IGFBP7: variants seen among roughly 807,000 people sequenced by gnomAD.
The protein encoded by IGFBP7 is insulin-like growth factor-binding protein 7.
Under a neutral mutation model 29.4 loss-of-function variants are expected in IGFBP7, and 31 were observed. The observed-to-expected ratio is 1.05, with a 90% CI of 0.79 to 1.42. The LOEUF is 1.42. IGFBP7 is among the 40% of genes most tolerant of loss of function. IGFBP7 has a pLI of 0.00. For missense variants in IGFBP7, 393 were observed against 395.5 expected, an observed-to-expected ratio of 0.99 and a Z score of 0.05; for synonymous variants, 172 against 174.9, an observed-to-expected ratio of 0.98 and a Z score of 0.13.
At chr4:57,080,476 C>T (rs140942298) in intron 1 of IGFBP7, among the ~76,000 whole-genome samples, 1 of 152,138 alleles carries the variant, frequency 6.6e-6, no homozygotes, top group Non-Finnish European at 1.5e-5. Context: ...GTATCAGAAC[C>T]TTTCTTCCAA....
At chr4:57,105,134 C>A (rs1399544346) in intron 1 of IGFBP7, among the ~76,000 whole-genome samples, 1 of 152,134 alleles carries the variant, frequency 6.6e-6, no homozygotes, top group Non-Finnish European at 1.5e-5. Context: ...CACTCAGGGC[C>A]CAAGGCCTTG....
At chr4:57,063,159 T>A (rs1034897577) in intron 1 of IGFBP7, among the ~76,000 whole-genome samples, 2 of 152,046 alleles carry the variant, frequency 1.3e-5, no homozygotes, top group Admixed American at 1.3e-4. Context: ...CTTTGCTTGG[T>A]TAACTCCTAG....
At chr4:57,080,906 C>T (rs1725349861) in intron 1 of IGFBP7, among the ~76,000 whole-genome samples, 1 of 152,184 alleles carries the variant, frequency 6.6e-6, no homozygotes, top group Admixed American at 6.5e-5. Context: ...CTTTCCTTTC[C>T]ACTGCCAAGG....
At chr4:57,047,981 G>C (rs983320671) in intron 1 of IGFBP7, among the ~76,000 whole-genome samples, 2 of 152,144 alleles carry the variant, frequency 1.3e-5, no homozygotes, top group Non-Finnish European at 2.9e-5. Context: ...CAACCTGCCT[G>C]CCTCGGCCTC....
intron 1 of IGFBP7, among the ~76,000 whole-genome samples, chr4:57,090,911 T>C (rs73242643): frequency 0.089 from 13,581 of 152,240 alleles, 654 homozygotes; most frequent in South Asian, 0.13. Context: ...TCTAGTTTAG[T>C]TAACATTTTT....
rs569453248 is a variant in IGFBP7, at chr4:57,055,626, G to C, written c.476-14693C>G. Among the ~76,000 whole-genome samples the C allele has an allele frequency of 4.8e-5, 6 of 125,800 alleles. No homozygotes were observed. In the East Asian group the frequency reaches 1.6e-3, roughly 33 times the overall value. 82.5% of individuals were successfully genotyped at this position (125,800 alleles called of 152,430 possible). On this transcript the variant is annotated intron_variant, in intron 1 of 4. Transcript: ENST00000295666. ...GCACCGCCACCACTTCAATCACGCG[G>C]GGGTGGACAGGGTCATCGCGGTTCT...
At chr4:57,053,539 T>C (rs13143577) in intron 1 of IGFBP7, among the ~76,000 whole-genome samples, 35,680 of 151,786 alleles carry the variant, frequency 0.24, 4,422 homozygotes, top group East Asian at 0.33. Context: ...GTGAGCTCGC[T>C]CTGGTAACCA....
At chr4:57,032,615 G>C in intron 3 of IGFBP7, 63 bp from the exon 4 acceptor site, 2 of 1,285,044 alleles carry the variant, frequency 1.6e-6, no homozygotes, top group Non-Finnish European at 2.3e-6. Context: ...AGTGGTTCCA[G>C]TGAGGTCATT....
intron 1 of IGFBP7, among the ~76,000 whole-genome samples, chr4:57,092,889 T>A (rs971459697): frequency 6.6e-6 from 1 of 151,712 alleles, no homozygotes; most frequent in South Asian, 2.1e-4. Flanking sequence ...AAATATTAGT[T>A]ATAAATTTAA....
At chr4:57,048,726 T>C (rs1403675839) in intron 1 of IGFBP7, among the ~76,000 whole-genome samples, 1 of 152,192 alleles carries the variant, frequency 6.6e-6, no homozygotes, top group African/African-American at 2.4e-5. Flanking sequence ...AACAATTTCC[T>C]AGTCCCTTAC....
chr4:57,108,395 G>C (rs1035445292), intron 1 of IGFBP7, among the ~76,000 whole-genome samples: 5 of 152,148 alleles, frequency 3.3e-5, no homozygotes, highest in African/African-American at 1.2e-4. Context: ...TTTCTACCTT[G>C]GCTAAGATCA....
intron 1 of IGFBP7, among the ~76,000 whole-genome samples, chr4:57,050,600 GGT>G (rs1480158009): frequency 4.6e-5 from 7 of 151,950 alleles, no homozygotes; most frequent in Admixed American, 4.6e-4. Flanking sequence ...GGAGTGCAAT[GGT>G]GCTACGATCA....
rs1486505634 is a variant in IGFBP7, at chr4:57,030,949, T to C, written c.*368A>G. 1.2e-6 allele frequency: 2 copies of C among 1,608,464 alleles called. No individual in the cohort carries two copies. The highest frequency in any genetic ancestry group is 8.5e-7 in the Non-Finnish European group (1 of 1,174,820). The stretch of plus-strand genomic sequence containing the variant: ...CATGCAAACTATTGTTTCAGGAACT[T>C]ATGTCTATGAGTATTGCACCGCGAA... On this transcript the variant is annotated 3_prime_UTR_variant, in exon 5 of 5. Transcript: ENST00000295666.
chr4:57,100,151 G>T (rs747871287), intron 1 of IGFBP7, among the ~76,000 whole-genome samples: 1 of 144,666 alleles, frequency 6.9e-6, no homozygotes, highest in Non-Finnish European at 1.5e-5. Context: ...GCCTCCTGCA[G>T]CCTTGATGAC....
In IGFBP7 at chr4:57,110,014, C is replaced by T; in HGVS notation, c.338G>A (p.Cys113Tyr). ...GGPGVSGVCV[C>Y]KSRYPVCGSD... is the part of the protein sequence containing the mutation. ...GCCGCACACCGGGTAGCGGCTCTTGCACACGCACACGCCGCTTACACCCGG... is the reference window on the plus strand; with the variant it reads ...GCCGCACACCGGGTAGCGGCTCTTGTACACGCACACGCCGCTTACACCCGG... Residue 113 changes from cysteine (C) to tyrosine (Y), a missense_variant, in exon 1 of 5, where the codon TGC becomes TAC. Transcript: ENST00000295666. 6.4e-7 allele frequency: 1 copy of T among 1,551,328 alleles called. No homozygotes were observed. The highest frequency in any genetic ancestry group is 8.7e-7 in the Non-Finnish European group (1 of 1,154,486).
chr4:57,072,853 G>A (rs1048371325), intron 1 of IGFBP7: 4 of 623,048 alleles, frequency 6.4e-6, no homozygotes, highest in Admixed American at 1.8e-5. Context: ...AGCTCCCCAG[G>A]GGCTACCCTT....
chr4:57,105,267 A>G (rs1385313010), intron 1 of IGFBP7, among the ~76,000 whole-genome samples: 1 of 152,354 alleles, frequency 6.6e-6, no homozygotes, highest in East Asian at 1.9e-4. Flanking sequence ...CACAGCATGT[A>G]CACATTGTGT....
At chr4:57,048,755 C>T (rs1260826062) in intron 1 of IGFBP7, among the ~76,000 whole-genome samples, 2 of 152,152 alleles carry the variant, frequency 1.3e-5, no homozygotes, top group Non-Finnish European at 1.5e-5. Context: ...AAGCACTCCC[C>T]AGCCATGACC....
rs1245543313 is a variant in IGFBP7, at chr4:57,103,642, CT to C, written c.475+6234del. Among the ~76,000 whole-genome samples the C allele has an allele frequency of 1.9e-3, 160 of 84,192 alleles. 2 individuals carry two copies. In the South Asian group the frequency reaches 0.031, roughly 16 times the overall value. 55.2% of individuals were successfully genotyped at this position (84,192 alleles called of 152,430 possible). On this transcript the variant is annotated intron_variant, in intron 1 of 4. Coordinates refer to ENST00000295666, the MANE Select transcript of IGFBP7 (RefSeq NM_001553.3). Reference sequence around the variant, plus strand: ...TAAAGTCTATGATCTTAGAACTTTTCTTTTTTTTTTTTCTTTTCTTTTTTTT... The same window carrying C: ...TAAAGTCTATGATCTTAGAACTTTTCTTTTTTTTTTTCTTTTCTTTTTTTT...
Sources: allele counts gnomAD v4.1 joint callset (sites outside exome capture counted in the v4.1 genomes callset), GRCh38; gene constraint gnomAD v4.1.1; transcripts MANE v1.5; gene names NCBI Gene and HGNC (gene_info 2026-07-23, HGNC 2026-07-21).